The following MGAT4C variants were observed in gnomAD, a reference collection of about 807,000 sequenced individuals.
The protein encoded by MGAT4C is alpha-1,3-mannosyl-glycoprotein 4-beta-N-acetylglucosaminyltransferase C.
In MGAT4C, 19 loss-of-function variants were observed where a neutral mutation model predicts 40.1. That is an observed-to-expected ratio of 0.47 (90% CI 0.33 to 0.70). The LOEUF is 0.70. MGAT4C is among the 30% of genes least tolerant of loss of function. The pLI is 0.02. For missense variants in MGAT4C, 491 were observed against 563.2 expected, an observed-to-expected ratio of 0.87 and a Z score of 1.30; for synonymous variants, 181 against 187.1, an observed-to-expected ratio of 0.97 and a Z score of 0.27.
chr12:86,802,859 A>G (rs1952259108), intron 1 of MGAT4C, among the ~76,000 whole-genome samples: 1 of 142,770 alleles, frequency 7.0e-6, no homozygotes. Context: ...TTACAGATTC[A>G]ATGCCATCCC....
At chr12:86,696,868 A>G (rs1189709041) in intron 2 of MGAT4C, among the ~76,000 whole-genome samples, 2 of 152,138 alleles carry the variant, frequency 1.3e-5, no homozygotes, top group Non-Finnish European at 1.5e-5. Flanking sequence ...TTTCAAATCT[A>G]TAAGTAAGAA....
intron 4 of MGAT4C, among the ~76,000 whole-genome samples, chr12:86,319,919 T>A (rs2136160450): frequency 6.6e-6 from 1 of 152,318 alleles, no homozygotes; most frequent in East Asian, 1.9e-4. Context: ...AATGAAATTT[T>A]AATTCTCATA....
chr12:86,084,624 C>A (rs193004772), intron 1 of MGAT4C, among the ~76,000 whole-genome samples: 1 of 151,312 alleles, frequency 6.6e-6, no homozygotes, highest in African/African-American at 2.4e-5. Context: ...TGGGTGTTAG[C>A]GCAACTGCTT....
At chr12:86,244,004 C>A (rs1951909825) in intron 1 of MGAT4C, among the ~76,000 whole-genome samples, 1 of 152,162 alleles carries the variant, frequency 6.6e-6, no homozygotes, top group Non-Finnish European at 1.5e-5. Context: ...ACTTCTAAGG[C>A]TATGCTGCTG....
At chr12:86,540,640 G>A (rs373609910) in intron 2 of MGAT4C, among the ~76,000 whole-genome samples, 41 of 152,240 alleles carry the variant, frequency 2.7e-4, no homozygotes, top group African/African-American at 9.9e-4. Context: ...GGAGGCTGAG[G>A]CAGAAGAATC....
intron 2 of MGAT4C, among the ~76,000 whole-genome samples, chr12:86,725,627 A>C (rs966321843): frequency 1.3e-5 from 2 of 151,954 alleles, no homozygotes; most frequent in Non-Finnish European, 2.9e-5. Context: ...CGCCCGGCTA[A>C]TTTCTTTTGT....
chr12:86,662,446 G>A (rs1303552030), intron 2 of MGAT4C, among the ~76,000 whole-genome samples: 2 of 152,164 alleles, frequency 1.3e-5, no homozygotes, highest in African/African-American at 4.8e-5. Flanking sequence ...AATGACCTAT[G>A]TGTGTTATCA....
chr12:86,521,884 TC>T (rs538218801), intron 2 of MGAT4C, among the ~76,000 whole-genome samples: 4 of 152,230 alleles, frequency 2.6e-5, no homozygotes, highest in African/African-American at 9.6e-5. Flanking sequence ...GGGATTGCCT[TC>T]CTGATTTGGC....
chr12:86,281,805 A>T (rs1439695146), intron 4 of MGAT4C, among the ~76,000 whole-genome samples: 4 of 152,110 alleles, frequency 2.6e-5, no homozygotes, highest in African/African-American at 9.7e-5. Flanking sequence ...TTCATGAGAA[A>T]ATACTTTTAT....
intron 3 of MGAT4C, among the ~76,000 whole-genome samples, chr12:85,987,123 T>A (rs1474776045): frequency 3.9e-5 from 1 of 25,478 alleles, no homozygotes; most frequent in Non-Finnish European, 9.2e-5. Flanking sequence ...ATAATTTTTT[T>A]TTTTTTTTTT....
intron 1 of MGAT4C, among the ~76,000 whole-genome samples, chr12:86,791,887 C>T (rs1314588024): frequency 6.6e-6 from 1 of 152,144 alleles, no homozygotes; most frequent in Admixed American, 6.6e-5. Flanking sequence ...TGGGGAAAAG[C>T]GCAGTGATTG....
At chr12:86,174,033 T>C (rs1308630410) in intron 1 of MGAT4C, among the ~76,000 whole-genome samples, 2 of 151,878 alleles carry the variant, frequency 1.3e-5, no homozygotes, top group Non-Finnish European at 2.9e-5. Context: ...AGTAGCACAG[T>C]ATTTAGTAAA....
intron 1 of MGAT4C, among the ~76,000 whole-genome samples, chr12:86,734,766 T>C (rs915649447): frequency 4.6e-5 from 7 of 152,046 alleles, no homozygotes; most frequent in African/African-American, 1.7e-4. Flanking sequence ...ATGATTGTTG[T>C]TGAAGTCACC....
chr12:86,090,905 A>G (rs1872760860), intron 1 of MGAT4C, among the ~76,000 whole-genome samples: 1 of 151,946 alleles, frequency 6.6e-6, no homozygotes, highest in Non-Finnish European at 1.5e-5. Context: ...GCCAAAACCA[A>G]TTGTTTAATT....
At chr12:86,247,801 A>G (rs994949465) in intron 1 of MGAT4C, among the ~76,000 whole-genome samples, 3 of 152,190 alleles carry the variant, frequency 2.0e-5, no homozygotes, top group African/African-American at 4.8e-5. Flanking sequence ...CTTATGAAGC[A>G]TACTAGTTTT....
At chr12:86,806,590 C>A (rs965175676) in intron 1 of MGAT4C, among the ~76,000 whole-genome samples, 3 of 151,952 alleles carry the variant, frequency 2.0e-5, no homozygotes, top group African/African-American at 7.2e-5. Context: ...TCTATTACCA[C>A]GCCCATCTCT....
chr12:86,315,049 C>T (rs1954169729), intron 4 of MGAT4C, among the ~76,000 whole-genome samples: 1 of 150,832 alleles, frequency 6.6e-6, no homozygotes, highest in Non-Finnish European at 1.5e-5. Context: ...CCAAGAAAAC[C>T]TTAAAAAAAA....
At chr12:86,447,539 A>G (rs1309738300) in intron 2 of MGAT4C, among the ~76,000 whole-genome samples, 1 of 152,166 alleles carries the variant, frequency 6.6e-6, no homozygotes, top group Non-Finnish European at 1.5e-5. Context: ...ACCCTTCATG[A>G]GTACCAGTTT....
intron 4 of MGAT4C, among the ~76,000 whole-genome samples, chr12:86,320,847 T>C (rs932321098): frequency 1.3e-5 from 2 of 152,138 alleles, no homozygotes; most frequent in Admixed American, 6.6e-5. Flanking sequence ...AAAAACTAAA[T>C]GACATCATAA....
Sources: gnomAD v4.1 joint callset for allele counts (sites outside exome capture counted in the v4.1 genomes callset) on GRCh38, gnomAD v4.1.1 for gene constraint, MANE v1.5 for transcripts, NCBI Gene and HGNC (gene_info 2026-07-23, HGNC 2026-07-21) for gene names.